NMT2: variants seen among roughly 807,000 people sequenced by gnomAD.
NMT2 encodes the protein glycylpeptide N-tetradecanoyltransferase 2.
NMT2 carries 35 observed loss-of-function variants against 65.4 expected under a neutral mutation model. That is an observed-to-expected ratio of 0.54 (90% confidence interval 0.41 to 0.71). The LOEUF (loss-of-function observed/expected upper bound fraction) is 0.71. Among genes scored for constraint, NMT2 ranks in the 30% least tolerant of loss-of-function variants. The pLI is 0.00. For synonymous variants in NMT2, 226 were observed against 231.8 expected (o/e 0.98, Z 0.23); for missense variants, 489 against 611.3 (o/e 0.80, Z 2.11).
intron 9 of NMT2, 115 bp from the exon 10 acceptor site, chr10:15,113,078 TC>T (rs2131474187): frequency 1.8e-6 from 2 of 1,111,982 alleles, no homozygotes; most frequent in Admixed American, 2.2e-5. Context: ...AAGTCACACT[TC>T]TTTCTCGGCA....
rs1012634096 is a variant in NMT2 at position 15,107,816 on chromosome 10, A to C, written c.*1379T>G. 6 of 985,626 alleles carry C rather than the reference A, an allele frequency of 6.1e-6. No individual in the cohort carries two copies. In the African/African-American group the frequency reaches 1.0e-4, roughly 17 times the overall value. 61.1% of individuals were successfully genotyped at this position (985,626 alleles called of 1,614,324 possible). Reference sequence around the variant, plus strand: ...GCTACGTGGCCTCGGTTAGCATCTTATTTTTCCCGCAGATTATTGGCAATA... The same window carrying C: ...GCTACGTGGCCTCGGTTAGCATCTTCTTTTTCCCGCAGATTATTGGCAATA... On this transcript the variant is annotated 3_prime_UTR_variant, in exon 12 of 12. Transcript: ENST00000378165.
At chr10:15,146,087 C>T (rs1195611109) in intron 1 of NMT2, among the ~76,000 whole-genome samples, 1 of 152,192 alleles carries the variant, frequency 6.6e-6, no homozygotes, top group Non-Finnish European at 1.5e-5. Flanking sequence ...CCTCGGTCTT[C>T]AAGAACTCAA....
At chr10:15,166,786 T>C (rs925420723) in intron 1 of NMT2, among the ~76,000 whole-genome samples, 3 of 152,212 alleles carry the variant, frequency 2.0e-5, no homozygotes, top group Non-Finnish European at 4.4e-5. Flanking sequence ...CAGATGCCTC[T>C]GGGTGCTACT....
chr10:15,112,094 T>A (rs1026553031), intron 10 of NMT2, among the ~76,000 whole-genome samples: 2 of 145,544 alleles, frequency 1.4e-5, no homozygotes, highest in Non-Finnish European at 3.0e-5. Flanking sequence ...AATAAAAAAA[T>A]TGCTGCTAGT....
intron 8 of NMT2, among the ~76,000 whole-genome samples, chr10:15,124,897 C>G (rs1412696138): frequency 2.0e-5 from 3 of 152,184 alleles, no homozygotes; most frequent in Admixed American, 2.0e-4. Context: ...CTGGGGCAAG[C>G]CAATGAGAAC....
At chr10:15,160,338 A>T (rs17156361) in intron 1 of NMT2, among the ~76,000 whole-genome samples, 14,112 of 152,192 alleles carry the variant, frequency 0.093, 797 homozygotes, top group East Asian at 0.13. Context: ...GAAGAAAAAG[A>T]GCACCCTAAG....
chr10:15,151,548 A>C (rs1392661862), intron 1 of NMT2, among the ~76,000 whole-genome samples: 2 of 152,252 alleles, frequency 1.3e-5, no homozygotes, highest in African/African-American at 4.8e-5. Context: ...GGAATATAGG[A>C]AGAAATATTT....
chr10:15,125,372 C>A (rs779776309), intron 8 of NMT2, among the ~76,000 whole-genome samples: 2 of 152,144 alleles, frequency 1.3e-5, no homozygotes, highest in African/African-American at 2.4e-5. Flanking sequence ...AAGATTGACT[C>A]TTGTACAAAA....
intron 1 of NMT2, among the ~76,000 whole-genome samples, chr10:15,161,421 G>A (rs922987365): frequency 6.6e-6 from 1 of 151,990 alleles, no homozygotes. Context: ...GTGCAATCTC[G>A]ACTCACTGCA....
intron 7 of NMT2, among the ~76,000 whole-genome samples, chr10:15,129,599 A>G (rs1295637017): frequency 6.6e-6 from 1 of 152,266 alleles, no homozygotes; most frequent in Non-Finnish European, 1.5e-5. Context: ...ATGGTATGAC[A>G]TTGGAATTTT....
At chr10:15,135,153 T>C in intron 3 of NMT2, 121 bp downstream of exon 3, 3 of 1,000,270 alleles carry the variant, frequency 3.0e-6, no homozygotes, top group Non-Finnish European at 4.6e-6. Flanking sequence ...ATCTGTGGTA[T>C]GAAATAAATG....
At chr10:15,150,386 T>C (rs1832760265) in intron 1 of NMT2, among the ~76,000 whole-genome samples, 1 of 152,166 alleles carries the variant, frequency 6.6e-6, no homozygotes, top group Non-Finnish European at 1.5e-5. Context: ...GTAATTCCAG[T>C]ATGAGTTTCT....
chr10:15,106,763 A>C lies in NMT2; in HGVS notation c.*2432T>G. On this transcript the variant is annotated 3_prime_UTR_variant, in exon 12 of 12. Transcript: ENST00000378165. ...GCCACACAATCTGTCACAACAACTC[A>C]ACTCAGCTTTGTAGTGTGAAGCAGC... The C allele has an allele frequency of 2.3e-5, 13 of 556,326 alleles. No homozygotes were observed. Among genetic ancestry groups the C allele is most frequent in the South Asian group, 1.6e-4 (2 of 12,838 alleles). The allele number at this position is 556,326 out of a possible 1,614,324, so 34.5% of individuals were successfully genotyped here.
At chr10:15,155,603 G>C (rs559913089) in intron 1 of NMT2, among the ~76,000 whole-genome samples, 1 of 119,116 alleles carries the variant, frequency 8.4e-6, no homozygotes, top group Admixed American at 1.2e-4. Flanking sequence ...GACTGATCTC[G>C]AACTCCTGGG....
intron 9 of NMT2, among the ~76,000 whole-genome samples, chr10:15,113,225 C>A (rs1018012988): frequency 2.6e-5 from 4 of 151,826 alleles, no homozygotes; most frequent in African/African-American, 7.3e-5. Flanking sequence ...AATCCCAGCA[C>A]TTTGGGAGGA....
chr10:15,148,177 C>T (rs1171856849), intron 1 of NMT2, among the ~76,000 whole-genome samples: 1 of 152,144 alleles, frequency 6.6e-6, no homozygotes, highest in Non-Finnish European at 1.5e-5. Context: ...CCTCTCTGTG[C>T]TCCAGTTTCT....
rs1002708945 is a variant in NMT2 at position 15,108,113 on chromosome 10, C to T, written c.*1082G>A. The stretch of plus-strand genomic sequence containing the variant: ...TTTTATTTCCTTTTCTTCATATATC[C>T]TTGATGTTGCTGAGAAGAAACTGAA... On this transcript the variant is annotated 3_prime_UTR_variant, in exon 12 of 12. Transcript: ENST00000378165. The T allele has an allele frequency of 3.0e-6, 3 of 984,980 alleles. No individual in the cohort carries two copies. The African/African-American group carries it at 5.2e-5, about 17-fold the overall frequency. 61.0% of individuals were successfully genotyped at this position (984,980 alleles called of 1,614,324 possible).
chr10:15,163,100 A>G (rs1172809792), intron 1 of NMT2, among the ~76,000 whole-genome samples: 1 of 151,896 alleles, frequency 6.6e-6, no homozygotes, highest in Non-Finnish European at 1.5e-5. Flanking sequence ...TTTCATCGAG[A>G]TAGGGTCTTG....
At position 15,168,673 on chromosome 10, in the gene NMT2, T is replaced by A. The variant is rs1833463138; in HGVS notation, c.-61A>T. On this transcript the variant is annotated 5_prime_UTR_variant, in exon 1 of 12. Transcript: ENST00000378165. The stretch of plus-strand genomic sequence containing the variant: ...CCGGGCCGGAGCGGCCGCAGCTCCC[T>A]CTAGTGCCTCCCGCCGTACTGCTTG... The A allele has an allele frequency of 7.8e-7, 1 of 1,282,214 alleles. No homozygotes were observed. Among genetic ancestry groups the A allele is most frequent in the South Asian group, 1.3e-5 (1 of 76,026 alleles). 79.4% of individuals were successfully genotyped at this position (1,282,214 alleles called of 1,614,324 possible). A position where few individuals can be genotyped will look rare whatever the true frequency, so the allele number is the denominator to read the frequency against.
Sources: gnomAD v4.1 joint callset for allele counts (sites outside exome capture counted in the v4.1 genomes callset) on GRCh38, gnomAD v4.1.1 for gene constraint, MANE v1.5 for transcripts, NCBI Gene and HGNC (gene_info 2026-07-23, HGNC 2026-07-21) for gene names.